The following BACH2 variants were observed in gnomAD, a reference collection of about 807,000 sequenced individuals.
BACH2 encodes transcription regulator protein BACH2.
Under a neutral mutation model 61.8 loss-of-function variants are expected in BACH2, and 5 were observed. The observed-to-expected ratio is 0.08, with a 90% CI of 0.04 to 0.17. The LOEUF (loss-of-function observed/expected upper bound fraction) is 0.17. BACH2 is among the 10% of genes least tolerant of loss of function. The pLI, the probability that BACH2 is intolerant of heterozygous loss-of-function variation, is 1.00. For missense variants in BACH2, 824 were observed against 1,091.1 expected, an observed-to-expected ratio of 0.76 and a Z score of 3.45; for synonymous variants, 446 against 440.1, an observed-to-expected ratio of 1.01 and a Z score of -0.17.
chr6:89,949,286 T>C (rs376751873), intron 7 of BACH2, among the ~76,000 whole-genome samples: 1 of 152,196 alleles, frequency 6.6e-6, no homozygotes, highest in East Asian at 1.9e-4. Context: ...GTCACTGGGT[T>C]TGTTCAATCC....
chr6:90,216,621 A>T (rs1299323496), intron 3 of BACH2, among the ~76,000 whole-genome samples: 1 of 152,270 alleles, frequency 6.6e-6, no homozygotes, highest in Non-Finnish European at 1.5e-5. Flanking sequence ...AACTTTACTT[A>T]ACTTGGAATT....
intron 6 of BACH2, among the ~76,000 whole-genome samples, chr6:89,989,909 T>C (rs1238936643): frequency 6.6e-6 from 1 of 152,214 alleles, no homozygotes; most frequent in Non-Finnish European, 1.5e-5. Context: ...GCTTAGAATG[T>C]GTGTCCCTCA....
intron 4 of BACH2, among the ~76,000 whole-genome samples, chr6:90,144,845 G>A (rs560868075): frequency 1.3e-5 from 2 of 152,276 alleles, no homozygotes; most frequent in East Asian, 3.9e-4. Context: ...AAAGATCCCA[G>A]AGAGCGATCA....
chr6:90,279,914 A>G (rs1044515154), intron 1 of BACH2, among the ~76,000 whole-genome samples: 3 of 152,230 alleles, frequency 2.0e-5, no homozygotes, highest in African/African-American at 7.2e-5. Flanking sequence ...CTTGAACTTC[A>G]TCAGTTAAAA....
At chr6:90,118,903 T>C (rs1382017687) in intron 4 of BACH2, among the ~76,000 whole-genome samples, 4 of 152,220 alleles carry the variant, frequency 2.6e-5, no homozygotes, top group Admixed American at 6.5e-5. Flanking sequence ...AAAATGTTCC[T>C]GACCTCCTTT....
chr6:90,210,791 C>T (rs1426045561), intron 3 of BACH2, among the ~76,000 whole-genome samples: 2 of 152,106 alleles, frequency 1.3e-5, no homozygotes, highest in Non-Finnish European at 1.5e-5. Context: ...TCAGCTGATC[C>T]TAACAGTTGG....
intron 4 of BACH2, among the ~76,000 whole-genome samples, chr6:90,118,574 A>G (rs1159686616): frequency 6.6e-6 from 1 of 152,222 alleles, no homozygotes; most frequent in African/African-American, 2.4e-5. Flanking sequence ...ATCAATGATC[A>G]GTACTCATGA....
intron 4 of BACH2, among the ~76,000 whole-genome samples, chr6:90,162,190 T>C (rs1394826805): frequency 1.3e-5 from 2 of 152,218 alleles, no homozygotes; most frequent in Admixed American, 1.3e-4. Context: ...GTTTATAAAT[T>C]GATGGAGCTT....
chr6:89,942,841 C>T (rs1046232298), intron 7 of BACH2, among the ~76,000 whole-genome samples: 5 of 152,156 alleles, frequency 3.3e-5, no homozygotes, highest in African/African-American at 1.2e-4. Flanking sequence ...TTTATTCAGC[C>T]CAGCAAAGTG....
At chr6:90,198,146 A>G (rs1054840073) in intron 4 of BACH2, among the ~76,000 whole-genome samples, 2 of 152,082 alleles carry the variant, frequency 1.3e-5, no homozygotes, top group African/African-American at 4.8e-5. Flanking sequence ...CGGAGCCACT[A>G]TTGTCTGTAA....
chr6:90,099,063 T>G (rs1782504987), intron 4 of BACH2, among the ~76,000 whole-genome samples: 1 of 152,220 alleles, frequency 6.6e-6, no homozygotes, highest in African/African-American at 2.4e-5. Flanking sequence ...TGTTTTTTTT[T>G]TCTTTATCAT....
intron 3 of BACH2, among the ~76,000 whole-genome samples, chr6:90,224,781 T>C (rs1769854754): frequency 6.6e-6 from 1 of 152,192 alleles, no homozygotes; most frequent in Non-Finnish European, 1.5e-5. Flanking sequence ...AAAATGTAAA[T>C]GGAAGAACAA....
Position 90,073,989 on chromosome 6 carries a change from A to G in BACH2, c.-13+14972T>C, listed in dbSNP as rs77891892. Reference sequence around the variant, plus strand: ...ATTTCCCATTTCAGGTGAAGGAGGGAAGAGGTGCCGCATTTCCTGATAGAA... The same window carrying G: ...ATTTCCCATTTCAGGTGAAGGAGGGGAGAGGTGCCGCATTTCCTGATAGAA... On this transcript the variant is annotated intron_variant, in intron 5 of 8. Transcript: ENST00000257749. 5.8e-3 allele frequency among the ~76,000 whole-genome samples: 880 copies of G among 152,310 alleles called. 49 individuals are homozygous for G. In the East Asian group the frequency reaches 0.13, roughly 23 times the overall value.
chr6:90,012,729 G>A (rs1455437962), intron 5 of BACH2, among the ~76,000 whole-genome samples: 2 of 151,452 alleles, frequency 1.3e-5, no homozygotes, highest in Non-Finnish European at 2.9e-5. Context: ...GCAGTGGTGC[G>A]ATCTTGGCTC....
chr6:90,060,488 A>C (rs1780627872), intron 5 of BACH2, among the ~76,000 whole-genome samples: 1 of 152,110 alleles, frequency 6.6e-6, no homozygotes, highest in African/African-American at 2.4e-5. Context: ...TCTTTTTCAG[A>C]AGTGCCTGGT....
intron 5 of BACH2, among the ~76,000 whole-genome samples, chr6:90,026,861 C>T (rs944247645): frequency 6.6e-6 from 1 of 152,196 alleles, no homozygotes; most frequent in African/African-American, 2.4e-5. Flanking sequence ...GAAACATCAT[C>T]TCTGCAGGGA....
intron 4 of BACH2, among the ~76,000 whole-genome samples, chr6:90,188,213 A>T (rs1050277463): frequency 2.0e-5 from 3 of 152,240 alleles, no homozygotes; most frequent in African/African-American, 7.2e-5. Context: ...TCTAAAATGT[A>T]AAGTTTAATT....
intron 4 of BACH2, among the ~76,000 whole-genome samples, chr6:90,168,174 C>T (rs1767693110): frequency 6.6e-6 from 1 of 152,072 alleles, no homozygotes; most frequent in Non-Finnish European, 1.5e-5. Flanking sequence ...GCCTGGGCAA[C>T]ATAGTGAGAC....
chr6:89,956,426 G>C (rs561377166), intron 6 of BACH2, among the ~76,000 whole-genome samples: 1 of 151,988 alleles, frequency 6.6e-6, no homozygotes, highest in African/African-American at 2.4e-5. Flanking sequence ...CCAGGGTACC[G>C]TGTCCGATGG....
Sources: gnomAD v4.1 joint callset for allele counts (sites outside exome capture counted in the v4.1 genomes callset) on GRCh38, gnomAD v4.1.1 for gene constraint, MANE v1.5 for transcripts, NCBI Gene and HGNC (gene_info 2026-07-23, HGNC 2026-07-21) for gene names.